CD86: variants seen among roughly 807,000 people sequenced by gnomAD.
The protein encoded by CD86 is T-lymphocyte activation antigen CD86.
CD86 carries 11 observed loss-of-function variants against 32.1 expected under a neutral mutation model. The ratio of observed to expected loss-of-function variants is 0.34; its 90% confidence interval spans 0.22 to 0.57. CD86 has a LOEUF of 0.57. Among genes scored for constraint, CD86 ranks in the 20% least tolerant of loss-of-function variants. The probability of loss-of-function intolerance (pLI) is 0.86; values close to 1 mark genes in which losing one functional copy is unlikely to be tolerated. For synonymous variants in CD86, 137 were observed against 135.3 expected (o/e 1.01, Z -0.09); for missense variants, 359 against 398.4 (o/e 0.90, Z 0.84).
intron 5 of CD86, among the ~76,000 whole-genome samples, chr3:122,113,330 T>C (rs1559914236): frequency 6.6e-6 from 1 of 152,246 alleles, no homozygotes; most frequent in Non-Finnish European, 1.5e-5. Context: ...CATGTGTCTT[T>C]TTCATATAAT....
intron 1 of CD86, among the ~76,000 whole-genome samples, chr3:122,076,528 G>T (rs952954931): frequency 1.1e-4 from 17 of 152,160 alleles, no homozygotes; most frequent in Admixed American, 8.5e-4. Context: ...AATTTCCAAG[G>T]TCTGAACATA....
chr3:122,104,838 G>T, intron 3 of CD86, among the ~76,000 whole-genome samples: 1 of 152,102 alleles, frequency 6.6e-6, no homozygotes, highest in East Asian at 1.9e-4. Flanking sequence ...AAAGACATTG[G>T]GTTGTTTCTG....
At chr3:122,097,620 G>A (rs1356459098) in intron 2 of CD86, among the ~76,000 whole-genome samples, 2 of 152,158 alleles carry the variant, frequency 1.3e-5, no homozygotes, top group African/African-American at 4.8e-5. Context: ...CAGTTTTATG[G>A]ACCTGGGGGT....
rs116365397 is a variant in CD86 at position 122,087,497 on chromosome 3, C to T, written c.15-4104C>T. 7.7e-3 allele frequency among the ~76,000 whole-genome samples: 1,173 copies of T among 152,248 alleles called. 14 individuals carry two copies. Among genetic ancestry groups the T allele is most frequent in the African/African-American group, 0.022 (933 of 41,534 alleles). On this transcript the variant is annotated intron_variant, in intron 1 of 6. Transcript: ENST00000330540. Reference sequence around the variant, plus strand: ...AACTGGCTTCCTAACCCAGCCCACACCCTCGCACACACACATCACACATCA... The same window carrying T: ...AACTGGCTTCCTAACCCAGCCCACATCCTCGCACACACACATCACACATCA...
At chr3:122,114,894 A>C (rs528915750) in intron 5 of CD86, among the ~76,000 whole-genome samples, 1 of 152,350 alleles carries the variant, frequency 6.6e-6, no homozygotes, top group South Asian at 2.1e-4. Context: ...ACATCTACCA[A>C]AAATTCTTCT....
chr3:122,099,558 C>T (rs533867241), intron 2 of CD86, among the ~76,000 whole-genome samples: 87 of 152,288 alleles, frequency 5.7e-4, no homozygotes, highest in Non-Finnish European at 1.2e-3. Context: ...TCCAGAACTG[C>T]TCAATTGCCC....
At chr3:122,090,190 T>C (rs572645899) in intron 1 of CD86, among the ~76,000 whole-genome samples, 89 of 152,168 alleles carry the variant, frequency 5.8e-4, no homozygotes, top group African/African-American at 2.1e-3. Context: ...TTCAAAAATA[T>C]TTATTAAAAA....
chr3:122,109,433 C>G lies in CD86; in HGVS notation c.847+25C>G, dbSNP rs754655673. The G allele has an allele frequency of 3.0e-5, 49 of 1,613,314 alleles. No homozygotes were observed. In the South Asian group the frequency reaches 5.4e-4, roughly 18 times the overall value. ...GGTGAGTGAGTCCTTGTCCTCCCCA[C>G]AGACTGTCACTTTGCACCTACTTCC... On this transcript the variant is annotated intron_variant, in intron 5 of 6. Transcript: ENST00000330540.
At chr3:122,087,848 A>G (rs1006341358) in intron 1 of CD86, among the ~76,000 whole-genome samples, 2 of 152,162 alleles carry the variant, frequency 1.3e-5, no homozygotes, top group African/African-American at 4.8e-5. Flanking sequence ...GAAGGTAAGG[A>G]GAAGCAGCTT....
chr3:122,117,413 G>A (rs58336014), intron 5 of CD86, among the ~76,000 whole-genome samples: 1 of 152,156 alleles, frequency 6.6e-6, no homozygotes, highest in East Asian at 1.9e-4. Flanking sequence ...GGATTCTTGT[G>A]GTCTATAAAT....
intron 1 of CD86, among the ~76,000 whole-genome samples, chr3:122,066,296 G>A (rs1033906049): frequency 3.9e-5 from 6 of 152,132 alleles, no homozygotes; most frequent in South Asian, 2.1e-4. Flanking sequence ...TAAGGAATAC[G>A]AGAGTGAATG....
intron 2 of CD86, among the ~76,000 whole-genome samples, chr3:122,098,164 A>G (rs1159249137): frequency 6.6e-6 from 1 of 152,230 alleles, no homozygotes; most frequent in African/African-American, 2.4e-5. Context: ...ACAGACAATA[A>G]CCAAACATAC....
At chr3:122,064,029 T>C (rs2072378206) in intron 1 of CD86, among the ~76,000 whole-genome samples, 1 of 152,120 alleles carries the variant, frequency 6.6e-6, no homozygotes, top group Non-Finnish European at 1.5e-5. Context: ...AGTCAGCTCA[T>C]GCAAAACCAT....
intron 2 of CD86, among the ~76,000 whole-genome samples, chr3:122,096,000 T>C (rs1002769061): frequency 8.5e-5 from 13 of 152,202 alleles, no homozygotes; most frequent in Admixed American, 4.6e-4. Context: ...GGCTTATTTT[T>C]CCTTTGTGAG....
At chr3:122,101,654 CT>C (rs1327184062) in intron 2 of CD86, among the ~76,000 whole-genome samples, 1 of 151,636 alleles carries the variant, frequency 6.6e-6, no homozygotes, top group African/African-American at 2.4e-5. Flanking sequence ...GAATTTTTAA[CT>C]GTGTGTTTGG....
At chr3:122,098,817 C>T (rs182673804) in intron 2 of CD86, among the ~76,000 whole-genome samples, 2 of 151,998 alleles carry the variant, frequency 1.3e-5, no homozygotes, top group Admixed American at 1.3e-4. Flanking sequence ...TTTGGGTACA[C>T]AAATGATTCA....
Position 122,091,603 on chromosome 3 carries a change from C to A in CD86, c.17C>A (p.Thr6Asn). 1 of 1,610,414 alleles carries A rather than the reference C, an allele frequency of 6.2e-7. No individual in the cohort carries two copies. The highest frequency in any genetic ancestry group is 8.5e-7 in the Non-Finnish European group (1 of 1,177,148). Reference protein sequence around the residue: MDPQCTMGLSNILFVM... With the variant: MDPQCNMGLSNILFVM... ...ACCTTTTTTTTTCTCGACTCTAGCA[C>A]TATGGGACTGAGTAACATTCTCTTT... The change falls in exon 2 of 7, where the codon ACT (threonine) becomes AAT (asparagine). Residue 6 changes from threonine to asparagine, a missense_variant and splice_region_variant. Coordinates refer to ENST00000330540, the MANE Select transcript of CD86 (RefSeq NM_175862.5).
chr3:122,069,604 G>C (rs1298615132), intron 1 of CD86, among the ~76,000 whole-genome samples: 1 of 151,690 alleles, frequency 6.6e-6, no homozygotes, highest in African/African-American at 2.4e-5. Context: ...GGGGTGAGTT[G>C]TGAGCCCATC....
intron 1 of CD86, among the ~76,000 whole-genome samples, chr3:122,084,658 CG>C (rs2072687302): frequency 6.6e-6 from 1 of 152,064 alleles, no homozygotes; most frequent in Admixed American, 6.5e-5. Flanking sequence ...ATGATGGTCT[CG>C]GGGTAGTGGG....
Sources: allele counts gnomAD v4.1 joint callset (sites outside exome capture counted in the v4.1 genomes callset), GRCh38; gene constraint gnomAD v4.1.1; transcripts MANE v1.5; gene names NCBI Gene and HGNC (gene_info 2026-07-23, HGNC 2026-07-21).